ADAMTS6: variants seen among roughly 807,000 people sequenced by gnomAD.
ADAMTS6 encodes ADAM metallopeptidase with thrombospondin type 1 motif 6.
A neutral mutation model predicts 144.3 loss-of-function variants in ADAMTS6; 23 were observed. The observed-to-expected ratio is 0.16, with a 90% confidence interval of 0.11 to 0.23. The LOEUF (loss-of-function observed/expected upper bound fraction) is 0.23, where lower values mean the gene tolerates loss of function less well. Ranked by LOEUF, ADAMTS6 falls within the 10% of genes least tolerant of loss-of-function variation. The pLI is 1.00. For synonymous variants in ADAMTS6, 444 were observed against 457.5 expected (o/e 0.97, Z 0.38); for missense variants, 999 against 1,379.6 (o/e 0.72, Z 4.37).
intron 7 of ADAMTS6, among the ~76,000 whole-genome samples, chr5:65,353,963 T>G (rs183679879): frequency 1.8e-4 from 27 of 152,042 alleles, no homozygotes; most frequent in African/African-American, 5.5e-4. Flanking sequence ...ATTAGTTCAT[T>G]GTTCTTTTTG....
chr5:65,345,922 T>A (rs1748277120), intron 7 of ADAMTS6, among the ~76,000 whole-genome samples: 1 of 152,054 alleles, frequency 6.6e-6, no homozygotes, highest in South Asian at 2.1e-4. Context: ...GAAAGCACAG[T>A]TGTGCTCATG....
rs1280232556 is a variant in ADAMTS6 at position 65,446,698 on chromosome 5, G to GC, written c.1073+4776_1073+4777insG. ...ACACTGTGCTAAGTAAAAGAGGCAA[G>GC]TCACAAAAGACCACATATTGTATTA... On this transcript the variant is annotated intron_variant, in intron 7 of 24. Transcript: ENST00000381055. Among the ~76,000 whole-genome samples, 8 of 152,262 alleles carry GC rather than the reference G, an allele frequency of 5.3e-5. No homozygotes were observed. The East Asian group carries it at 1.3e-3, about 26-fold the overall frequency.
intron 7 of ADAMTS6, among the ~76,000 whole-genome samples, chr5:65,335,396 C>T (rs1029735461): frequency 6.6e-6 from 1 of 152,088 alleles, no homozygotes; most frequent in Non-Finnish European, 1.5e-5. Flanking sequence ...GTGTACTCAT[C>T]GAAGCACCAT....
At chr5:65,157,298 A>C (rs1428554546) in intron 24 of ADAMTS6, among the ~76,000 whole-genome samples, 1 of 152,208 alleles carries the variant, frequency 6.6e-6, no homozygotes, top group Non-Finnish European at 1.5e-5. Flanking sequence ...CAAAACTCTG[A>C]CCTAAAAGAC....
chr5:65,260,868 T>A (rs1263524253), intron 13 of ADAMTS6, among the ~76,000 whole-genome samples: 1 of 152,112 alleles, frequency 6.6e-6, no homozygotes, highest in East Asian at 1.9e-4. Flanking sequence ...TTATTATTAA[T>A]TTTATTAATA....
intron 9 of ADAMTS6, among the ~76,000 whole-genome samples, chr5:65,316,677 G>A (rs1745031822): frequency 6.6e-6 from 1 of 152,138 alleles, no homozygotes; most frequent in Non-Finnish European, 1.5e-5. Context: ...TAAAGTGAAA[G>A]CTGGGGCCAC....
rs779929237 is a variant in ADAMTS6, at chr5:65,214,711, T to C, written c.2575+83A>G. ...TGCAAGAAATGTTTCCAATTAGCTT[T>C]TTTAACAAACACAAAGCATAGCTCA... On this transcript the variant is annotated intron_variant, in intron 20 of 24. Transcript: ENST00000381055. The surrounding 1 kb of genome is among the most constrained non-coding windows in gnomAD (Gnocchi z 4.6). 1.2e-6 allele frequency: 2 copies of C among 1,603,784 alleles called. No individual in the cohort carries two copies. Among genetic ancestry groups the C allele is most frequent in the South Asian group, 2.2e-5 (2 of 90,606 alleles).
intron 9 of ADAMTS6, among the ~76,000 whole-genome samples, 174 bp from the exon 10 acceptor site, chr5:65,300,305 A>G (rs1282399300): frequency 6.6e-6 from 1 of 152,236 alleles, no homozygotes; most frequent in Non-Finnish European, 1.5e-5. Flanking sequence ...GGAATAAGGA[A>G]TACTTCAGTG....
At chr5:65,445,181 G>A (rs140254951) in intron 7 of ADAMTS6, among the ~76,000 whole-genome samples, 118 of 152,314 alleles carry the variant, frequency 7.7e-4, no homozygotes, top group African/African-American at 2.8e-3. Context: ...TTTGGGCACT[G>A]AGGAAATAGC....
chr5:65,478,896 A>C (rs1455227842), intron 1 of ADAMTS6, among the ~76,000 whole-genome samples: 1 of 152,248 alleles, frequency 6.6e-6, no homozygotes, highest in Non-Finnish European at 1.5e-5. Context: ...ACACTACCTA[A>C]GAAGAAAAAT....
intron 14 of ADAMTS6, among the ~76,000 whole-genome samples, chr5:65,255,084 C>T (rs1210351614): frequency 1.3e-5 from 2 of 152,112 alleles, no homozygotes; most frequent in Non-Finnish European, 2.9e-5. Flanking sequence ...TGCTTTCTTG[C>T]TAATAGAAGT....
chr5:65,265,256 T>C (rs892804224), intron 12 of ADAMTS6, among the ~76,000 whole-genome samples: 5 of 152,096 alleles, frequency 3.3e-5, no homozygotes, highest in African/African-American at 1.2e-4. Context: ...TTCAGAATGA[T>C]GAAGAAGAGG....
intron 7 of ADAMTS6, among the ~76,000 whole-genome samples, chr5:65,365,637 ACT>A (rs1411452425): frequency 7.0e-6 from 1 of 143,486 alleles, no homozygotes; most frequent in Non-Finnish European, 1.5e-5. Flanking sequence ...ACAGAGTGAG[ACT>A]CTGTTTCAAA....
chr5:65,242,732 A>T (rs1470271596), intron 14 of ADAMTS6, among the ~76,000 whole-genome samples: 1 of 152,170 alleles, frequency 6.6e-6, no homozygotes, highest in Non-Finnish European at 1.5e-5. Context: ...AAGTAGGCAA[A>T]ATGCTAGACC....
intron 4 of ADAMTS6, among the ~76,000 whole-genome samples, chr5:65,456,856 TGTTTAAAAATTCGTA>T (rs1759250299): frequency 6.6e-6 from 1 of 152,178 alleles, no homozygotes; most frequent in South Asian, 2.1e-4. Flanking sequence ...TTCTATAAAA[TGTTTAAAAATTCGTA>T]GTTTGAATCT....
At chr5:65,254,976 T>A (rs1760521179) in intron 14 of ADAMTS6, among the ~76,000 whole-genome samples, 1 of 152,238 alleles carries the variant, frequency 6.6e-6, no homozygotes, top group Admixed American at 6.5e-5. Flanking sequence ...CTCCTACTAC[T>A]ACCACTACAT....
chr5:65,423,523 A>G (rs192107227), intron 7 of ADAMTS6, among the ~76,000 whole-genome samples: 1 of 152,286 alleles, frequency 6.6e-6, no homozygotes, highest in East Asian at 1.9e-4. Flanking sequence ...ATTCCCCTTT[A>G]ATATCTATAA....
At chr5:65,193,865 A>G (rs1755164615) in intron 21 of ADAMTS6, among the ~76,000 whole-genome samples, 1 of 152,224 alleles carries the variant, frequency 6.6e-6, no homozygotes, top group South Asian at 2.1e-4. Flanking sequence ...ACAATCACAT[A>G]TCTACTAAAC....
intron 7 of ADAMTS6, among the ~76,000 whole-genome samples, chr5:65,432,651 T>C (rs1227075519): frequency 6.6e-6 from 1 of 152,164 alleles, no homozygotes; most frequent in Non-Finnish European, 1.5e-5. Context: ...AAGCTAAATT[T>C]CTTTTTTTAT....
Sources: gnomAD v4.1 joint callset for allele counts (sites outside exome capture counted in the v4.1 genomes callset) on GRCh38, gnomAD v4.1.1 for gene constraint, Gnocchi (gnomAD v3.1) non-coding constraint, MANE v1.5 for transcripts, NCBI Gene and HGNC (gene_info 2026-07-23, HGNC 2026-07-21) for gene names.